The following RELN variants were observed in gnomAD, a reference collection of about 807,000 sequenced individuals.
The protein encoded by RELN is reelin.
A neutral mutation model predicts 427.6 loss-of-function variants in RELN; 108 were observed. The ratio of observed to expected loss-of-function variants is 0.25; its 90% confidence interval spans 0.22 to 0.30. RELN has a LOEUF of 0.30. Among genes scored for constraint, RELN ranks in the 10% least tolerant of loss-of-function variants. RELN has a pLI of 1.00. For synonymous variants in RELN, 1,524 were observed against 1,513.4 expected, an observed-to-expected ratio of 1.01 and a Z score of -0.16; for missense variants, 3,715 against 4,302.8, an observed-to-expected ratio of 0.86 and a Z score of 3.82.
chr7:103,812,610 G>A (rs262375), intron 3 of RELN, among the ~76,000 whole-genome samples: 112,511 of 152,056 alleles, frequency 0.74, 42,104 homozygotes, highest in Middle Eastern at 0.82. Flanking sequence ...ATTTCCCTGG[G>A]CTGTAGTATA....
At chr7:103,593,934 C>A in intron 26 of RELN, 52 bp from the exon 27 acceptor site, 3 of 1,397,922 alleles carry the variant, frequency 2.1e-6, no homozygotes, top group Non-Finnish European at 3.0e-6. Flanking sequence ...GCTTTGAAAA[C>A]AAGAAAGGAA....
At chr7:103,574,620 C>T (rs1001635404) in intron 29 of RELN, among the ~76,000 whole-genome samples, 7 of 152,110 alleles carry the variant, frequency 4.6e-5, no homozygotes, top group African/African-American at 9.7e-5. Flanking sequence ...ATAAAACTTG[C>T]TCATTTGTTA....
intron 4 of RELN, among the ~76,000 whole-genome samples, chr7:103,762,524 G>C (rs971145157): frequency 6.6e-6 from 1 of 152,152 alleles, no homozygotes; most frequent in Non-Finnish European, 1.5e-5. Context: ...AATTAGAGCT[G>C]ATCCAACTGC....
chr7:103,503,357 G>A, intron 51 of RELN, 127 bp from the exon 52 acceptor site: 1 of 805,850 alleles, frequency 1.2e-6, no homozygotes. Context: ...TGTATTTTCA[G>A]ATTCATTATT....
At chr7:103,902,803 T>C (rs1795111713) in intron 2 of RELN, among the ~76,000 whole-genome samples, 1 of 152,116 alleles carries the variant, frequency 6.6e-6, no homozygotes, top group African/African-American at 2.4e-5. Context: ...GAAGTGTCTT[T>C]ATTGGACTCC....
intron 6 of RELN, 152 bp from the exon 7 acceptor site, chr7:103,728,359 G>A: frequency 1.3e-6 from 1 of 743,372 alleles, no homozygotes; most frequent in South Asian, 1.5e-5. Flanking sequence ...ATAAGGTTAA[G>A]AAGACCTGAA....
At chr7:103,749,697 C>A (rs1490438217) in intron 5 of RELN, among the ~76,000 whole-genome samples, 193 bp from the exon 6 acceptor site, 2 of 152,106 alleles carry the variant, frequency 1.3e-5, no homozygotes, top group Non-Finnish European at 2.9e-5. Flanking sequence ...GGTTTAAACA[C>A]CTAGAAGTTG....
Position 103,906,016 on chromosome 7 carries a change from A to G in RELN, c.337+11059T>C, listed in dbSNP as rs1377418709. 2.0e-5 allele frequency among the ~76,000 whole-genome samples: 3 copies of G among 152,186 alleles called. No individual in the cohort carries two copies. In the East Asian group the frequency reaches 5.8e-4, roughly 29 times the overall value. On this transcript the variant is annotated intron_variant, in intron 2 of 64. Coordinates refer to ENST00000428762, the MANE Select transcript of RELN (RefSeq NM_005045.4). ...CACAAACAAGGGCAGTAGACGTTTA[A>G]AAGAGCTGGAATTTTGAAGCTGTGT...
chr7:103,927,138 T>C (rs1450087208), intron 1 of RELN, among the ~76,000 whole-genome samples: 1 of 152,222 alleles, frequency 6.6e-6, no homozygotes. Flanking sequence ...AGACAAATTT[T>C]AAAACTCACT....
In RELN at chr7:103,503,247, C is replaced by T. The variant is rs1305128606; in HGVS notation, c.8275-17G>A. The T allele has an allele frequency of 5.0e-6, 8 of 1,608,842 alleles. No homozygotes were observed. The highest frequency in any genetic ancestry group is 8.5e-7 in the Non-Finnish European group (1 of 1,175,444). On this transcript the variant is annotated splice_polypyrimidine_tract_variant and intron_variant, in intron 51 of 64. Coordinates refer to ENST00000428762, the MANE Select transcript of RELN (RefSeq NM_005045.4). The stretch of plus-strand genomic sequence containing the variant: ...AACTGAGATCTAATAAACAGAAAAA[C>T]AAGATCAAGGTATTAAAACTATATG...
In RELN at chr7:103,753,172, A is replaced by C; in HGVS notation, c.577+10T>G. 6.2e-7 allele frequency: 1 copy of C among 1,613,798 alleles called. No individual in the cohort carries two copies. The highest frequency in any genetic ancestry group is 8.5e-7 in the Non-Finnish European group (1 of 1,179,714). On this transcript the variant is annotated intron_variant, in intron 5 of 64. Coordinates refer to ENST00000428762, the MANE Select transcript of RELN (RefSeq NM_005045.4). ...CTAAAGTTAATGACATCAGAGTCTT[A>C]AACACTTACCTAGATGTGGGTGCAC... is the stretch of plus-strand genomic sequence containing the variant.
chr7:103,497,986 G>A (rs1353424280), intron 54 of RELN, 60 bp from the exon 55 acceptor site: 8 of 1,599,484 alleles, frequency 5.0e-6, no homozygotes, highest in Non-Finnish European at 6.9e-6. Context: ...CTCTACTCAA[G>A]TCCTGGATAA....
intron 8 of RELN, among the ~76,000 whole-genome samples, chr7:103,720,056 A>G (rs1260128453): frequency 6.6e-6 from 1 of 151,964 alleles, no homozygotes; most frequent in Non-Finnish European, 1.5e-5. Context: ...ATATGTATAT[A>G]TACACAAGTA....
intron 57 of RELN, among the ~76,000 whole-genome samples, chr7:103,494,015 C>T (rs1488450281): frequency 6.6e-6 from 1 of 152,120 alleles, no homozygotes; most frequent in Non-Finnish European, 1.5e-5. Context: ...AGGCTCCAAT[C>T]AACTCAATCA....
intron 50 of RELN, among the ~76,000 whole-genome samples, chr7:103,511,360 T>A (rs987649026): frequency 6.6e-6 from 1 of 152,230 alleles, no homozygotes; most frequent in African/African-American, 2.4e-5. Context: ...TTTTTAATTT[T>A]AAAAATTTTA....
At chr7:103,668,334 A>C (rs1394453554) in intron 11 of RELN, among the ~76,000 whole-genome samples, 1 of 152,214 alleles carries the variant, frequency 6.6e-6, no homozygotes, top group Non-Finnish European at 1.5e-5. Flanking sequence ...AATATTTAAA[A>C]AGTTGAAATA....
At chr7:103,926,627 GT>G (rs60259062) in intron 1 of RELN, among the ~76,000 whole-genome samples, 1,041 of 99,174 alleles carry the variant, frequency 0.01, 1 homozygote, top group Non-Finnish European at 0.014. Flanking sequence ...AGTATCATAA[GT>G]TTTTTTTTTT....
intron 2 of RELN, among the ~76,000 whole-genome samples, chr7:103,868,553 G>A (rs1185547169): frequency 6.6e-6 from 1 of 151,978 alleles, no homozygotes; most frequent in Non-Finnish European, 1.5e-5. Flanking sequence ...TAGTGCTAGG[G>A]AAAGTCTGTC....
intron 24 of RELN, among the ~76,000 whole-genome samples, chr7:103,601,264 C>G (rs1562915771): frequency 6.6e-6 from 1 of 152,122 alleles, no homozygotes. Flanking sequence ...ATGTGCAATG[C>G]ATTTTGATAA....
Sources: gnomAD v4.1 joint callset for allele counts (sites outside exome capture counted in the v4.1 genomes callset) on GRCh38, gnomAD v4.1.1 for gene constraint, MANE v1.5 for transcripts, NCBI Gene and HGNC (gene_info 2026-07-23, HGNC 2026-07-21) for gene names.